The following F9 variants were observed in gnomAD, a reference collection of about 807,000 sequenced individuals.
F9 encodes coagulation factor IX.
F9 carries 2 observed loss-of-function variants against 34.1 expected under a neutral mutation model. The ratio of observed to expected loss-of-function variants is 0.06; its 90% CI spans 0.02 to 0.18. The LOEUF (loss-of-function observed/expected upper bound fraction) is 0.18, where lower values mean the gene tolerates loss of function less well. Ranked by LOEUF, F9 falls within the 10% of genes least tolerant of loss-of-function variation. F9 has a pLI of 1.00. For missense variants in F9, 216 were observed against 345.1 expected, an observed-to-expected ratio of 0.63 and a Z score of 2.96; for synonymous variants, 137 against 118.8, an observed-to-expected ratio of 1.15 and a Z score of -1.00.
intron 6 of F9, among the ~76,000 whole-genome samples, chrX:139,554,924 A>G (rs939873160): frequency 8.9e-6 from 1 of 112,415 alleles, no homozygotes; most frequent in East Asian, 2.8e-4. Context: ...TTTCATCTGG[A>G]GTAATGAACA....
chrX:139,538,638 T>C (rs953353435), intron 3 of F9, among the ~76,000 whole-genome samples: 8 of 111,754 alleles, frequency 7.2e-5, no homozygotes, highest in Non-Finnish European at 1.5e-4. Flanking sequence ...AATACTACCA[T>C]ACCAGCTTCT....
chrX:139,559,420 G>C (rs778565588), intron 6 of F9, among the ~76,000 whole-genome samples: 2 of 111,324 alleles, frequency 1.8e-5, no homozygotes, highest in Admixed American at 9.5e-5. Context: ...GGGCATGGTG[G>C]CATGCGCCTG....
chrX:139,544,464 G>C (rs1428380489), intron 4 of F9, among the ~76,000 whole-genome samples: 2 of 110,683 alleles, frequency 1.8e-5, no homozygotes, highest in East Asian at 5.7e-4. Context: ...TGTCCCCCTG[G>C]CAACAGTTGA....
At chrX:139,552,467 AC>A (rs1432976099) in intron 6 of F9, among the ~76,000 whole-genome samples, 30 of 111,324 alleles carry the variant, frequency 2.7e-4, no homozygotes, top group African/African-American at 9.1e-4. Context: ...GAAATAACCC[AC>A]CTCTTTGGCC....
chrX:139,552,097 G>A (rs999493709), intron 6 of F9, among the ~76,000 whole-genome samples: 1 of 111,424 alleles, frequency 9.0e-6, no homozygotes, highest in African/African-American at 3.3e-5. Context: ...AGGAGGCTGA[G>A]GTGGGAGAAT....
Position 139,541,194 on chromosome X carries a change from GTAAC to G in F9, c.391+8_391+11del. The G allele has an allele frequency of 1.8e-6, 2 of 1,134,557 alleles. No homozygotes were observed. The highest frequency in any genetic ancestry group is 1.2e-6 in the Non-Finnish European group (1 of 831,532). The allele number at this position is 1,134,557 out of a possible 1,213,427, so 93.5% of individuals were successfully genotyped here. A position where few individuals can be genotyped will look rare whatever the true frequency, so the allele number is the denominator to read the frequency against. ...AAGGAAAGAACTGTGAATTAGGTAA[GTAAC>G]TATTTTTTGAATACTCATGGTTCAA... On this transcript the variant is annotated splice_donor_region_variant and intron_variant, in intron 4 of 7. Transcript: ENST00000218099.
At chrX:139,559,182 A>G (rs919137125) in intron 6 of F9, among the ~76,000 whole-genome samples, 59 of 112,796 alleles carry the variant, frequency 5.2e-4, no homozygotes, top group Non-Finnish European at 9.7e-4. Context: ...ACTGGGTTGT[A>G]TGCACACTGG....
intron 4 of F9, among the ~76,000 whole-genome samples, chrX:139,545,918 C>CT (rs35480988): frequency 0.35 from 37,938 of 108,845 alleles, 5,922 homozygotes; most frequent in African/African-American, 0.57. Flanking sequence ...ACTATAATTT[C>CT]TTTTTTTTAA....
chrX:139,535,741 ATG>A (rs1927444520), intron 1 of F9, among the ~76,000 whole-genome samples: 1 of 111,404 alleles, frequency 9.0e-6, no homozygotes, highest in Non-Finnish European at 1.9e-5. Flanking sequence ...ATGTATATAC[ATG>A]AAAACACACA....
intron 4 of F9, among the ~76,000 whole-genome samples, chrX:139,542,259 C>T (rs111343810): frequency 1.8e-5 from 2 of 111,537 alleles, no homozygotes; most frequent in African/African-American, 6.5e-5. Flanking sequence ...CCTTTAGTCT[C>T]GAAAATTTCT....
rs760706057 is a variant in F9 at position 139,563,262 on chromosome X, G to A, written c.*1191G>A. ...ATGTCTCCTTTAACTAGCATACCCC[G>A]AAGTGGAGAAGGGTGCAGCAGGCTC... On this transcript the variant is annotated 3_prime_UTR_variant, in exon 8 of 8. Transcript: ENST00000218099. The A allele has an allele frequency of 7.2e-5, 8 of 110,557 alleles. No individual in the cohort carries two copies. The highest frequency in any genetic ancestry group is 9.9e-5 in the African/African-American group (3 of 30,378). The allele number at this position is 110,557 out of a possible 1,213,427, so 9.1% of individuals were successfully genotyped here.
chrX:139,540,778 A>G (rs1603264693), intron 3 of F9, among the ~76,000 whole-genome samples: 1 of 112,054 alleles, frequency 8.9e-6, no homozygotes, highest in African/African-American at 3.2e-5. Flanking sequence ...CTGTGCTGAT[A>G]TAGTACCTTT....
chrX:139,537,414 A>G, intron 3 of F9, 28 bp downstream of exon 3: 1 of 1,123,360 alleles, frequency 8.9e-7, no homozygotes, highest in Non-Finnish European at 1.2e-6. Context: ...TCCTCTAGCT[A>G]ATATATGAAA....
At chrX:139,560,246 T>C (rs990798331) in intron 6 of F9, among the ~76,000 whole-genome samples, 2 of 112,048 alleles carry the variant, frequency 1.8e-5, no homozygotes, top group Admixed American at 9.4e-5. Context: ...ATATTCCAGT[T>C]TGAAAAGGGT....
intron 4 of F9, among the ~76,000 whole-genome samples, chrX:139,546,873 T>G (rs1283707973): frequency 8.9e-6 from 1 of 111,959 alleles, no homozygotes; most frequent in African/African-American, 3.2e-5. Flanking sequence ...AGTAAATATA[T>G]CAAATGTTTA....
chrX:139,551,050 C>T lies in F9; in HGVS notation c.521-12C>T, dbSNP rs1407012411. 1.7e-6 allele frequency: 2 copies of T among 1,202,854 alleles called. No homozygotes were observed. Among genetic ancestry groups the T allele is most frequent in the South Asian group, 3.5e-5 (2 of 56,500 alleles). On this transcript the variant is annotated splice_polypyrimidine_tract_variant and intron_variant, in intron 5 of 7. Coordinates refer to ENST00000218099, the MANE Select transcript of F9 (RefSeq NM_000133.4). ...AAATATCAGGTTACTAATTTTTCTT[C>T]TATTTTTCTAGTGCCATTTCCATGT...
intron 6 of F9, among the ~76,000 whole-genome samples, chrX:139,552,554 T>C (rs1029352552): frequency 1.8e-5 from 2 of 112,102 alleles, no homozygotes; most frequent in African/African-American, 6.5e-5. Flanking sequence ...TAGCCACATA[T>C]GGCTATTTAA....
chrX:139,545,910 T>A (rs1927706104), intron 4 of F9, among the ~76,000 whole-genome samples: 1 of 90,733 alleles, frequency 1.1e-5, no homozygotes, highest in African/African-American at 5.0e-5. Flanking sequence ...TTCCTAGCAC[T>A]ATAATTTCTT....
intron 6 of F9, among the ~76,000 whole-genome samples, chrX:139,558,768 AACTT>A (rs1928029346): frequency 8.9e-6 from 1 of 112,243 alleles, no homozygotes; most frequent in African/African-American, 3.2e-5. Context: ...ACAGGTCTCA[AACTT>A]AATTATGTAA....
Sources: allele counts gnomAD v4.1 joint callset (sites outside exome capture counted in the v4.1 genomes callset), GRCh38; gene constraint gnomAD v4.1.1; transcripts MANE v1.5; gene names NCBI Gene and HGNC (gene_info 2026-07-23, HGNC 2026-07-21).